The following SOS2 variants were observed in gnomAD, a reference collection of about 807,000 sequenced individuals.
SOS2 encodes the protein son of sevenless homolog 2.
In SOS2, 65 loss-of-function variants were observed where a neutral mutation model predicts 148.2. That is an observed-to-expected ratio of 0.44 (90% confidence interval 0.36 to 0.54). SOS2 has a LOEUF of 0.54. Ranked by LOEUF, SOS2 falls within the 20% of genes least tolerant of loss-of-function variation. The probability of loss-of-function intolerance (pLI) is 0.00; values close to 1 mark genes in which losing one functional copy is unlikely to be tolerated. For synonymous variants in SOS2, 539 were observed against 537.1 expected, an observed-to-expected ratio of 1.00 and a Z score of -0.05; for missense variants, 1,341 against 1,590.2, an observed-to-expected ratio of 0.84 and a Z score of 2.67.
chr14:50,153,629 T>C (rs1884730418), intron 12 of SOS2, among the ~76,000 whole-genome samples: 1 of 152,202 alleles, frequency 6.6e-6, no homozygotes, highest in African/African-American at 2.4e-5. Context: ...TTCTTTTTTT[T>C]GAGATGGAAT....
rs755233845 is a variant in SOS2, at chr14:50,130,561, G to C, written c.3277C>G (p.Pro1093Ala). ...CTAAGGTCTGAAGAAGCAGATACTGGTGGAGTAGATGGTGTATTTGGAGAG... is the reference window on the plus strand; with the variant it reads ...CTAAGGTCTGAAGAAGCAGATACTGCTGGAGTAGATGGTGTATTTGGAGAG... ...PTSPNTPSTP[P>A]VSASSDLSVF... The change falls in exon 20 of 23, where the codon CCA (proline) becomes GCA (alanine). Residue 1093 changes from proline (P) to alanine (A), a missense_variant. Around this residue, in one of 4 missense-constraint regions of SOS2, gnomAD observed 354 missense variants for 347.7 expected, o/e 1.02. Coordinates refer to ENST00000216373, the MANE Select transcript of SOS2 (RefSeq NM_006939.4). The C allele has an allele frequency of 4.3e-6, 7 of 1,613,790 alleles. No individual in the cohort carries two copies. The highest frequency in any genetic ancestry group is 3.4e-6 in the Non-Finnish European group (4 of 1,179,684).
intron 1 of SOS2, among the ~76,000 whole-genome samples, chr14:50,206,558 TCAGTACAAATG>T (rs1886664588): frequency 1.3e-5 from 2 of 152,208 alleles, no homozygotes; most frequent in Non-Finnish European, 2.9e-5. Context: ...CTGTATGTGT[TCAGTACAAATG>T]CAACCATCCA....
At chr14:50,178,707 TATATACACAC>T (rs1360284313) in intron 7 of SOS2, among the ~76,000 whole-genome samples, 1 of 130,652 alleles carries the variant, frequency 7.7e-6, no homozygotes, top group African/African-American at 3.0e-5. Context: ...TATATATATA[TATATACACAC>T]ATATACACAC....
chr14:50,193,067 T>C (rs573467964), intron 4 of SOS2, among the ~76,000 whole-genome samples: 56 of 152,202 alleles, frequency 3.7e-4, no homozygotes, highest in African/African-American at 1.3e-3. Context: ...CTCAATGTCC[T>C]AGGCTCAAAC....
intron 8 of SOS2, among the ~76,000 whole-genome samples, chr14:50,169,232 T>C (rs1885278691): frequency 6.6e-6 from 1 of 151,848 alleles, no homozygotes; most frequent in Non-Finnish European, 1.5e-5. Flanking sequence ...AAGAGAATCG[T>C]TTAAACCTGG....
chr14:50,118,350 G>A lies in SOS2; in HGVS notation c.3993C>T (p.Pro1331=). 1.2e-6 allele frequency: 2 copies of A among 1,613,240 alleles called. No individual in the cohort carries two copies. The highest frequency in any genetic ancestry group is 1.7e-6 in the Non-Finnish European group (2 of 1,179,348). The change falls in exon 23 of 23, where the codon CCC becomes CCT. Residue 1331 remains proline, a synonymous_variant. Coordinates refer to ENST00000216373, the MANE Select transcript of SOS2 (RefSeq NM_006939.4). The part of the protein sequence containing the change: ...RLPLLENAET[P]Q Reference sequence around the variant, plus strand: ...TGACTACATATGGCTAAGGTCATTGGGGAGTTTCTGCATTTTCTAGCAAAG... The same window carrying A: ...TGACTACATATGGCTAAGGTCATTGAGGAGTTTCTGCATTTTCTAGCAAAG...
At chr14:50,175,770 T>A (rs1020838731) in intron 7 of SOS2, among the ~76,000 whole-genome samples, 12 of 152,096 alleles carry the variant, frequency 7.9e-5, no homozygotes, top group Admixed American at 7.9e-4. Context: ...TTTCTCCCCA[T>A]AAGAAAAACA....
chr14:50,168,023 C>T (rs1189677872), intron 8 of SOS2, among the ~76,000 whole-genome samples: 1 of 152,060 alleles, frequency 6.6e-6, no homozygotes, highest in African/African-American at 2.4e-5. Context: ...CTCAATGAAC[C>T]TCATTGAAGT....
At chr14:50,230,228 TTTAAA>T (rs762129423) in intron 1 of SOS2, among the ~76,000 whole-genome samples, 3 of 152,236 alleles carry the variant, frequency 2.0e-5, no homozygotes, top group South Asian at 2.1e-4. Context: ...AGTATAGTCT[TTTAAA>T]TTAATCTTTA....
At chr14:50,167,452 T>C (rs911783778) in intron 8 of SOS2, among the ~76,000 whole-genome samples, 2 of 152,136 alleles carry the variant, frequency 1.3e-5, no homozygotes, top group Admixed American at 6.5e-5. Context: ...GGAGGATTGA[T>C]TGAGCCTGGG....
intron 1 of SOS2, among the ~76,000 whole-genome samples, chr14:50,211,694 G>C (rs1886876909): frequency 1.3e-5 from 2 of 151,988 alleles, no homozygotes; most frequent in Admixed American, 6.6e-5. Flanking sequence ...CTGGGCTCAA[G>C]CAATCCTCCT....
In SOS2 at chr14:50,145,294, G is replaced by A; in HGVS notation, c.2543C>T (p.Ala848Val). 1 of 1,605,398 alleles carries A rather than the reference G, an allele frequency of 6.2e-7. No individual in the cohort carries two copies. The highest frequency in any genetic ancestry group is 8.5e-7 in the Non-Finnish European group (1 of 1,177,718). Reference protein sequence around the residue: ...VEAENFEERVAVLSRIIEILQ... With the variant: ...VEAENFEERVVVLSRIIEILQ... The stretch of plus-strand genomic sequence containing the variant: ...AATTTCTATAATTCTACTTAGTACT[G>A]CCACCCGTTCTTCAAAATTTTCTGC... Residue 848 changes from alanine to valine, a missense_variant, in exon 16 of 23, where the codon GCA (alanine) becomes GTA (valine). Coordinates refer to ENST00000216373, the MANE Select transcript of SOS2 (RefSeq NM_006939.4).
intron 4 of SOS2, among the ~76,000 whole-genome samples, chr14:50,193,504 C>T (rs775130775): frequency 5.9e-5 from 9 of 152,058 alleles, no homozygotes; most frequent in Non-Finnish European, 1.2e-4. Flanking sequence ...TGCTAGAATA[C>T]CTCATATAGC....
intron 1 of SOS2, among the ~76,000 whole-genome samples, chr14:50,205,911 A>G (rs989974872): frequency 2.0e-5 from 3 of 149,414 alleles, no homozygotes; most frequent in South Asian, 4.2e-4. Flanking sequence ...CTCCATCTCA[A>G]AAAAAAAAAA....
At chr14:50,142,891 T>C (rs1466927154) in intron 16 of SOS2, among the ~76,000 whole-genome samples, 5 of 152,308 alleles carry the variant, frequency 3.3e-5, no homozygotes, top group East Asian at 3.9e-4. Context: ...TCCAGAAAGA[T>C]TGTAAAAACG....
At position 50,118,456 on chromosome 14, in the gene SOS2, T is replaced by C. The variant is rs1313556512; in HGVS notation, c.3887A>G (p.Gln1296Arg). The C allele has an allele frequency of 6.2e-7, 1 of 1,614,182 alleles. No individual in the cohort carries two copies. The highest frequency in any genetic ancestry group is 8.5e-7 in the Non-Finnish European group (1 of 1,180,030). Residue 1296 changes from glutamine to arginine, a missense_variant, in exon 23 of 23, where the codon CAG (glutamine) becomes CGG (arginine). By Grantham distance (43) the Gln-to-Arg change is conservative (BLOSUM62 1). Transcript: ENST00000216373. ...HPPAPPVPPR[Q>R]NSSPHLPKLP... ...TTTTGGCAGATGAGGGCTTGAATTC[T>C]GCCTTGGTGGAACAGGGGGAGCTGG...
rs756314407 is a variant in SOS2 at position 50,201,104 on chromosome 14, C to CAGAA, written c.214-21_214-20insTTCT. On this transcript the variant is annotated intron_variant, in intron 2 of 22. Transcript: ENST00000216373. ...TCGCTCCTGCTCAATCACAGCAGAA[C>CAGAA]CATTGTAGTATTAATAAAAGTGTTC... 9.3e-6 allele frequency: 15 copies of CAGAA among 1,610,460 alleles called. No homozygotes were observed. The South Asian group carries it at 1.7e-4, about 18-fold the overall frequency.
intron 19 of SOS2, among the ~76,000 whole-genome samples, chr14:50,131,571 C>T (rs971753452): frequency 6.8e-6 from 1 of 146,650 alleles, no homozygotes; most frequent in Non-Finnish European, 1.5e-5. Context: ...GTTTGAGATA[C>T]TCAAACATAT....
chr14:50,221,094 T>A (rs1566486479), intron 1 of SOS2, among the ~76,000 whole-genome samples: 1 of 152,150 alleles, frequency 6.6e-6, no homozygotes, highest in Non-Finnish European at 1.5e-5. Flanking sequence ...AACCAAAAAG[T>A]ATTAAAAGCC....
Sources: allele counts gnomAD v4.1 joint callset (sites outside exome capture counted in the v4.1 genomes callset), GRCh38; gene constraint gnomAD v4.1.1; regional missense constraint gnomAD v4.1.1; transcripts MANE v1.5; gene names NCBI Gene and HGNC (gene_info 2026-07-23, HGNC 2026-07-21).